Variants in KCNAB1 observed in about 807,000 individuals in gnomAD.
The protein encoded by KCNAB1 is voltage-gated potassium channel subunit beta-1.
In KCNAB1, 35 loss-of-function variants were observed where a neutral mutation model predicts 64.6. That is an observed-to-expected ratio of 0.54 (90% CI 0.41 to 0.72). The LOEUF is 0.72. Among genes scored for constraint, KCNAB1 ranks in the 30% least tolerant of loss-of-function variants. KCNAB1 has a pLI of 0.00. For synonymous variants in KCNAB1, 177 were observed against 183.8 expected (o/e 0.96, Z 0.30); for missense variants, 401 against 512.9 (o/e 0.78, Z 2.11).
At chr3:156,511,691 CAAT>C (rs1717224548) in intron 8 of KCNAB1, among the ~76,000 whole-genome samples, 2 of 144,580 alleles carry the variant, frequency 1.4e-5, no homozygotes, top group African/African-American at 5.2e-5. Flanking sequence ...TAGAATACAA[CAAT>C]ACCTTCCTCA....
intron 1 of KCNAB1, among the ~76,000 whole-genome samples, chr3:156,219,650 A>G (rs1033425725): frequency 1.3e-5 from 2 of 151,910 alleles, no homozygotes; most frequent in Non-Finnish European, 1.5e-5. Context: ...ACCTGGGCAC[A>G]TAGTCCTCAG....
chr3:156,208,317 T>C (rs959536077), intron 1 of KCNAB1, among the ~76,000 whole-genome samples: 1 of 152,160 alleles, frequency 6.6e-6, no homozygotes, highest in African/African-American at 2.4e-5. Flanking sequence ...ACCCTTCTTT[T>C]TGATGCTCCT....
chr3:156,201,847 C>T (rs1319296141), intron 1 of KCNAB1, among the ~76,000 whole-genome samples: 1 of 152,118 alleles, frequency 6.6e-6, no homozygotes, highest in Non-Finnish European at 1.5e-5. Flanking sequence ...AGTGCATGTC[C>T]ATGAGGGCTG....
intron 1 of KCNAB1, among the ~76,000 whole-genome samples, chr3:156,326,602 C>A (rs934303294): frequency 1.1e-4 from 17 of 152,134 alleles, no homozygotes; most frequent in African/African-American, 4.1e-4. Context: ...CACTACTCTC[C>A]CTATTCAGCA....
intron 1 of KCNAB1, among the ~76,000 whole-genome samples, chr3:156,365,733 T>C (rs1725905252): frequency 6.6e-6 from 1 of 152,242 alleles, no homozygotes. Context: ...TTGCTATTGC[T>C]CATTATCTTG....
At chr3:156,427,705 G>A (rs1361340255) in intron 2 of KCNAB1, among the ~76,000 whole-genome samples, 2 of 152,188 alleles carry the variant, frequency 1.3e-5, no homozygotes, top group Non-Finnish European at 2.9e-5. Flanking sequence ...GGTAGGGAGT[G>A]GAGATAGAGA....
chr3:156,480,669 C>CT (rs887620237), intron 8 of KCNAB1, among the ~76,000 whole-genome samples: 37 of 151,996 alleles, frequency 2.4e-4, no homozygotes, highest in East Asian at 9.7e-4. Flanking sequence ...ATATTACATT[C>CT]TTTTTTTTCC....
At chr3:156,361,382 C>A (rs1400111008) in intron 1 of KCNAB1, among the ~76,000 whole-genome samples, 1 of 152,176 alleles carries the variant, frequency 6.6e-6, no homozygotes, top group Non-Finnish European at 1.5e-5. Flanking sequence ...CCCATTCCTA[C>A]TCCACATACC....
chr3:156,157,328 T>C (rs955622056), intron 1 of KCNAB1, among the ~76,000 whole-genome samples: 2 of 152,158 alleles, frequency 1.3e-5, no homozygotes, highest in African/African-American at 4.8e-5. Flanking sequence ...CTCCTACTTA[T>C]GAACATATAG....
chr3:156,442,309 A>C (rs16826160), intron 2 of KCNAB1, among the ~76,000 whole-genome samples: 4,629 of 152,276 alleles, frequency 0.03, 115 homozygotes, highest in South Asian at 0.14. Flanking sequence ...CAATCCTTGC[A>C]GTCTGCTTTA....
At chr3:156,357,058 A>C (rs931389083) in intron 1 of KCNAB1, among the ~76,000 whole-genome samples, 1 of 152,118 alleles carries the variant, frequency 6.6e-6, no homozygotes, top group African/African-American at 2.4e-5. Flanking sequence ...CAAACTCTCT[A>C]TGGCCAAAGT....
At chr3:156,259,046 A>G (rs1338125819) in intron 1 of KCNAB1, among the ~76,000 whole-genome samples, 1 of 152,226 alleles carries the variant, frequency 6.6e-6, no homozygotes, top group Admixed American at 6.5e-5. Context: ...AAATTGACTA[A>G]TTGATCTGTA....
chr3:156,210,912 G>A (rs1186882540), intron 1 of KCNAB1, among the ~76,000 whole-genome samples: 1 of 152,200 alleles, frequency 6.6e-6, no homozygotes, highest in Non-Finnish European at 1.5e-5. Flanking sequence ...ATTCGTGGGT[G>A]GGTGCCTCAT....
chr3:156,273,742 A>T lies in KCNAB1; in HGVS notation c.276-147874A>T, dbSNP rs1200706547. The T allele has an allele frequency of 1.8e-5, 8 of 439,864 alleles. No homozygotes were observed. In the East Asian group the frequency reaches 5.6e-4, roughly 31 times the overall value. 27.2% of individuals were successfully genotyped at this position (439,864 alleles called of 1,614,324 possible). On this transcript the variant is annotated intron_variant, in intron 1 of 13. Coordinates refer to ENST00000490337, the MANE Select transcript of KCNAB1 (RefSeq NM_172160.3). ...TGCTTTTTTTGTGTAGATAGTTGTCAGATTTGGTGTTCCTGTGGGGAGGAT... is the reference window on the plus strand; with the variant it reads ...TGCTTTTTTTGTGTAGATAGTTGTCTGATTTGGTGTTCCTGTGGGGAGGAT...
At position 156,399,327 on chromosome 3, in the gene KCNAB1, A is replaced by T. The variant is rs191575104; in HGVS notation, c.276-22289A>T. Among the ~76,000 whole-genome samples the T allele has an allele frequency of 3.9e-5, 6 of 152,276 alleles. No homozygotes were observed. The East Asian group carries it at 1.2e-3, about 29-fold the overall frequency. ...AATAAAAACAGTTTGTCATTCCAGG[A>T]TGCAGATGGTAGTGTCGTAAAGAGG... On this transcript the variant is annotated intron_variant, in intron 1 of 13. Coordinates refer to ENST00000490337, the MANE Select transcript of KCNAB1 (RefSeq NM_172160.3).
intron 2 of KCNAB1, among the ~76,000 whole-genome samples, chr3:156,443,306 G>A (rs1204769247): frequency 6.6e-6 from 1 of 152,152 alleles, no homozygotes; most frequent in Non-Finnish European, 1.5e-5. Context: ...TTCAGCAGAG[G>A]GAAGAACATG....
rs924600771 is a variant in KCNAB1 at position 156,291,514 on chromosome 3, G to A, written c.276-130102G>A. Reference sequence around the variant, plus strand: ...GCCCGCATTCAGACACCGCGGACCGGCTCCGCGAAGGGCTGCGTGCAGTCA... The same window carrying A: ...GCCCGCATTCAGACACCGCGGACCGACTCCGCGAAGGGCTGCGTGCAGTCA... On this transcript the variant is annotated intron_variant, in intron 1 of 13. Coordinates refer to ENST00000490337, the MANE Select transcript of KCNAB1 (RefSeq NM_172160.3). The A allele has an allele frequency of 3.7e-6, 4 of 1,072,056 alleles. No homozygotes were observed. The African/African-American group carries it at 5.0e-5, about 13-fold the overall frequency. 66.4% of individuals were successfully genotyped at this position (1,072,056 alleles called of 1,614,324 possible). A position where few individuals can be genotyped will look rare whatever the true frequency, so the allele number is the denominator to read the frequency against.
intron 1 of KCNAB1, among the ~76,000 whole-genome samples, chr3:156,385,432 T>A (rs1474027723): frequency 7.4e-6 from 1 of 135,950 alleles, no homozygotes; most frequent in Non-Finnish European, 1.5e-5. Flanking sequence ...GAGGATCTTG[T>A]TGGATGGAAG....
intron 11 of KCNAB1, among the ~76,000 whole-genome samples, chr3:156,518,135 T>C (rs1204421462): frequency 6.6e-6 from 1 of 152,184 alleles, no homozygotes; most frequent in East Asian, 1.9e-4. Flanking sequence ...TAATGAATGT[T>C]TGAAGGTGGC....
Sources: allele counts gnomAD v4.1 joint callset (sites outside exome capture counted in the v4.1 genomes callset), GRCh38; gene constraint gnomAD v4.1.1; transcripts MANE v1.5; gene names NCBI Gene and HGNC (gene_info 2026-07-23, HGNC 2026-07-21).